Variants in CPQ observed in about 807,000 individuals in gnomAD.
CPQ encodes the protein Ser-Met dipeptidase.
A neutral mutation model predicts 45.7 loss-of-function variants in CPQ; 37 were observed. That is an observed-to-expected ratio of 0.81 (90% CI 0.62 to 1.07). CPQ has a LOEUF of 1.07. CPQ is among the 50% of genes least tolerant of loss of function. CPQ has a pLI of 0.00. For synonymous variants in CPQ, 186 were observed against 205.8 expected, an observed-to-expected ratio of 0.90 and a Z score of 0.82; for missense variants, 537 against 572.9, an observed-to-expected ratio of 0.94 and a Z score of 0.64.
chr8:96,786,454 T>C (rs1810769706), intron 2 of CPQ, among the ~76,000 whole-genome samples: 1 of 152,178 alleles, frequency 6.6e-6, no homozygotes, highest in African/African-American at 2.4e-5. Flanking sequence ...TGTTTTCACC[T>C]TTTAGATATT....
At chr8:96,906,191 A>C (rs1812574152) in intron 4 of CPQ, among the ~76,000 whole-genome samples, 2 of 152,144 alleles carry the variant, frequency 1.3e-5, no homozygotes, top group Non-Finnish European at 2.9e-5. Flanking sequence ...AAGACAGGGA[A>C]CTTTGTTCCA....
At chr8:97,035,858 C>T (rs1298887848) in intron 6 of CPQ, among the ~76,000 whole-genome samples, 1 of 152,142 alleles carries the variant, frequency 6.6e-6, no homozygotes, top group Non-Finnish European at 1.5e-5. Flanking sequence ...CAGGCGCCCG[C>T]CACCACACCC....
At chr8:96,821,773 T>C (rs1219821906) in intron 2 of CPQ, among the ~76,000 whole-genome samples, 2 of 151,968 alleles carry the variant, frequency 1.3e-5, no homozygotes, top group East Asian at 3.9e-4. Flanking sequence ...GGTTTTACAG[T>C]TTTAAAAATT....
At chr8:96,778,061 C>T (rs1034030117) in intron 1 of CPQ, among the ~76,000 whole-genome samples, 6 of 151,062 alleles carry the variant, frequency 4.0e-5, no homozygotes, top group Admixed American at 6.6e-5. Context: ...CCTTGAATAC[C>T]GGTCTTGATT....
At chr8:96,975,132 C>G (rs180848009) in intron 5 of CPQ, among the ~76,000 whole-genome samples, 1 of 151,356 alleles carries the variant, frequency 6.6e-6, no homozygotes, top group Non-Finnish European at 1.5e-5. Flanking sequence ...AGAGAAGATA[C>G]AAATATGCTC....
chr8:96,802,093 CCTCTCCCTTTCTTT>C (rs1811013564), intron 2 of CPQ, among the ~76,000 whole-genome samples: 1 of 151,478 alleles, frequency 6.6e-6, no homozygotes. Context: ...TCTTTATCTC[CCTCTCCCTTTCTTT>C]CTCTTTGTCT....
intron 6 of CPQ, among the ~76,000 whole-genome samples, chr8:97,057,044 A>G (rs1236611592): frequency 6.6e-6 from 1 of 152,150 alleles, no homozygotes; most frequent in Non-Finnish European, 1.5e-5. Context: ...TCATATATAG[A>G]TACCCTCATA....
intron 6 of CPQ, among the ~76,000 whole-genome samples, chr8:97,043,969 TG>T (rs1191447736): frequency 1.3e-5 from 2 of 152,352 alleles, no homozygotes; most frequent in Admixed American, 1.3e-4. Flanking sequence ...GTCTTGGAGT[TG>T]CTCTTCTCAA....
At chr8:97,022,824 T>A (rs1458186296) in intron 5 of CPQ, among the ~76,000 whole-genome samples, 2 of 151,468 alleles carry the variant, frequency 1.3e-5, no homozygotes, top group Non-Finnish European at 2.9e-5. Flanking sequence ...AGTGGGGAGA[T>A]TCCTTAAAGA....
intron 4 of CPQ, among the ~76,000 whole-genome samples, chr8:96,923,049 A>C (rs1400988911): frequency 6.6e-6 from 1 of 152,154 alleles, no homozygotes; most frequent in Non-Finnish European, 1.5e-5. Flanking sequence ...CCATCCCCTC[A>C]GTCCAGTTCC....
chr8:96,661,570 T>G (rs995105373), intron 1 of CPQ, among the ~76,000 whole-genome samples: 1 of 152,238 alleles, frequency 6.6e-6, no homozygotes, highest in African/African-American at 2.4e-5. Flanking sequence ...CTTCTTTCAC[T>G]GAGTAATATG....
chr8:97,126,817 T>C (rs757636678), intron 7 of CPQ, among the ~76,000 whole-genome samples: 19 of 152,184 alleles, frequency 1.2e-4, no homozygotes, highest in Non-Finnish European at 2.8e-4. Context: ...TCATGTGGTA[T>C]TGGCATATTG....
chr8:96,743,296 G>A (rs915918158), intron 1 of CPQ, among the ~76,000 whole-genome samples: 6 of 151,278 alleles, frequency 4.0e-5, no homozygotes, highest in South Asian at 2.1e-4. Flanking sequence ...CATTCTTCAC[G>A]TAGTTCTCGA....
intron 1 of CPQ, among the ~76,000 whole-genome samples, chr8:96,652,399 A>G (rs1199305332): frequency 6.6e-6 from 1 of 152,218 alleles, no homozygotes; most frequent in Admixed American, 6.5e-5. Flanking sequence ...GGTTGATTCT[A>G]TAATTTGGCT....
intron 2 of CPQ, among the ~76,000 whole-genome samples, chr8:96,821,176 A>T (rs1312722746): frequency 1.5e-5 from 1 of 65,800 alleles, no homozygotes; most frequent in African/African-American, 6.7e-5. Flanking sequence ...TGAACTCCTT[A>T]TATGTTCTGG....
rs1233403186 is a variant in CPQ at position 96,835,083 on chromosome 8, A to G, written c.544A>G (p.Arg182Gly). 2.5e-6 allele frequency: 4 copies of G among 1,612,932 alleles called. No individual in the cohort carries two copies. Among genetic ancestry groups the G allele is most frequent in the Non-Finnish European group, 8.5e-7 (1 of 1,179,504 alleles). Reference protein sequence around the residue: ...VYNQPYINYSRTVQYRTQGAV... With the variant: ...VYNQPYINYSGTVQYRTQGAV... ...TAACCAACCTTACATCAACTACTCA[A>G]GGACGGTGCAATACCGAACGCAGGG... Residue 182 changes from arginine to glycine, a missense_variant, in exon 3 of 8, where the codon AGG becomes GGG. Coordinates refer to ENST00000220763, the MANE Select transcript of CPQ (RefSeq NM_016134.4).
intron 3 of CPQ, among the ~76,000 whole-genome samples, chr8:96,836,068 A>G (rs1445617421): frequency 6.6e-6 from 1 of 152,224 alleles, no homozygotes; most frequent in Non-Finnish European, 1.5e-5. Flanking sequence ...TGGGGAAAAG[A>G]AGCATAACTT....
rs544655997 is a variant in CPQ, at chr8:96,988,029, C to A, written c.961+21983C>A. Among the ~76,000 whole-genome samples, 4 of 152,240 alleles carry A rather than the reference C, an allele frequency of 2.6e-5. No individual in the cohort carries two copies. The East Asian group carries it at 5.8e-4, about 22-fold the overall frequency. ...AACTATGTAGGGTTTGTTTTAGATT[C>A]AAAAATGTGTGAGATTAGTTGATCT... On this transcript the variant is annotated intron_variant, in intron 5 of 7. Transcript: ENST00000220763.
chr8:96,930,762 C>T (rs1216845743), intron 4 of CPQ, among the ~76,000 whole-genome samples: 1 of 152,138 alleles, frequency 6.6e-6, no homozygotes, highest in East Asian at 1.9e-4. Flanking sequence ...TCTGGTTGGA[C>T]TCCAAGATAA....
Sources: allele counts gnomAD v4.1 joint callset (sites outside exome capture counted in the v4.1 genomes callset), GRCh38; gene constraint gnomAD v4.1.1; transcripts MANE v1.5; gene names NCBI Gene and HGNC (gene_info 2026-07-23, HGNC 2026-07-21).